The following SCFD1 variants were observed in gnomAD, a reference collection of about 807,000 sequenced individuals.
The protein encoded by SCFD1 is sec1 family domain containing 1, also known as sec1 family domain-containing protein 1.
A neutral mutation model predicts 103.2 loss-of-function variants in SCFD1; 37 were observed. That is an observed-to-expected ratio of 0.36 (90% CI 0.28 to 0.47). The LOEUF (loss-of-function observed/expected upper bound fraction) is 0.47. SCFD1 is among the 20% of genes least tolerant of loss of function. SCFD1 has a pLI of 1.00. For missense variants in SCFD1, 639 were observed against 761.2 expected, an observed-to-expected ratio of 0.84 and a Z score of 1.89; for synonymous variants, 264 against 245.0, an observed-to-expected ratio of 1.08 and a Z score of -0.73.
At chr14:30,670,224 C>T (rs1888410482) in intron 10 of SCFD1, 32 bp from the exon 11 acceptor site, 1 of 1,516,582 alleles carries the variant, frequency 6.6e-7, no homozygotes, top group East Asian at 2.3e-5. Flanking sequence ...ACTTAGAAAA[C>T]AGTTGTTTAA....
At chr14:30,668,428 C>T (rs1435515730) in intron 10 of SCFD1, among the ~76,000 whole-genome samples, 1 of 152,122 alleles carries the variant, frequency 6.6e-6, no homozygotes, top group African/African-American at 2.4e-5. Flanking sequence ...AAATGTTAGA[C>T]CTAAAACCAT....
intron 6 of SCFD1, 125 bp from the exon 7 acceptor site, chr14:30,643,191 C>T (rs1204641832): frequency 2.7e-6 from 2 of 744,324 alleles, no homozygotes; most frequent in African/African-American, 1.8e-5. Flanking sequence ...AAATTTAAAC[C>T]AAAAAATTTC....
Position 30,735,611 on chromosome 14 carries a change from A to ACTT in SCFD1, c.*3_*4insTTC. The stretch of plus-strand genomic sequence containing the variant: ...TTGTCACAACTTGGACAAAAGTAAC[A>ACTT]CAGAAGAACCTTACTATGATAATCT... On this transcript the variant is annotated 3_prime_UTR_variant, in exon 25 of 25. Transcript: ENST00000458591. 1 of 1,591,612 alleles carries ACTT rather than the reference A, an allele frequency of 6.3e-7. No individual in the cohort carries two copies. The highest frequency in any genetic ancestry group is 2.3e-5 in the East Asian group (1 of 44,252).
intron 6 of SCFD1, among the ~76,000 whole-genome samples, chr14:30,641,747 T>A (rs1366505866): frequency 6.6e-6 from 1 of 152,200 alleles, no homozygotes; most frequent in African/African-American, 2.4e-5. Flanking sequence ...TTTTATTATG[T>A]GTTGTCTGGG....
At chr14:30,723,394 T>C (rs1234757254) in intron 23 of SCFD1, among the ~76,000 whole-genome samples, 1 of 152,106 alleles carries the variant, frequency 6.6e-6, no homozygotes, top group Non-Finnish European at 1.5e-5. Context: ...GTACAAAGGT[T>C]TTTTATTTTT....
chr14:30,624,604 T>A (rs1325906644), intron 1 of SCFD1, among the ~76,000 whole-genome samples: 3 of 152,240 alleles, frequency 2.0e-5, no homozygotes, highest in African/African-American at 7.2e-5. Flanking sequence ...CCACCATGAA[T>A]TTCTGCAGTA....
At chr14:30,695,354 T>G (rs1419376618) in intron 15 of SCFD1, among the ~76,000 whole-genome samples, 3 of 152,198 alleles carry the variant, frequency 2.0e-5, no homozygotes, top group African/African-American at 7.2e-5. Flanking sequence ...AAAATATAAC[T>G]ATTTGTACTT....
intron 23 of SCFD1, among the ~76,000 whole-genome samples, chr14:30,733,193 A>G (rs1242222005): frequency 1.3e-5 from 2 of 151,996 alleles, no homozygotes; most frequent in Non-Finnish European, 2.9e-5. Context: ...TATTTTTAGT[A>G]GAGATGGGGT....
rs1886632864 is a variant in SCFD1, at chr14:30,653,856, G to A, written c.855+268G>A. ...AAAGAAGGAAAAGAAAACAATTGAA[G>A]AAAATGGATTATTTTGTTTTATTTT... On this transcript the variant is annotated intron_variant, in intron 10 of 24. Transcript: ENST00000458591. The A allele has an allele frequency of 3.2e-5, 8 of 251,358 alleles. No homozygotes were observed. The South Asian group carries it at 1.2e-3, about 39-fold the overall frequency. 15.6% of individuals were successfully genotyped at this position (251,358 alleles called of 1,614,324 possible).
Position 30,622,531 on chromosome 14 carries a change from C to G in SCFD1, c.61+132C>G. The G allele has an allele frequency of 2.1e-6, 3 of 1,404,216 alleles. No individual in the cohort carries two copies. The South Asian group carries it at 4.8e-5, about 23-fold the overall frequency. The allele number at this position is 1,404,216 out of a possible 1,614,324, so 87.0% of individuals were successfully genotyped here. A position where few individuals can be genotyped will look rare whatever the true frequency, so the allele number is the denominator to read the frequency against. ...CCCTAGAACATCAAGAGCCCCTCCCCTTTGAGTTTTTGGGGAGAAGTTGCC... is the reference window on the plus strand; with the variant it reads ...CCCTAGAACATCAAGAGCCCCTCCCGTTTGAGTTTTTGGGGAGAAGTTGCC... On this transcript the variant is annotated intron_variant, in intron 1 of 24. Coordinates refer to ENST00000458591, the MANE Select transcript of SCFD1 (RefSeq NM_016106.4).
At chr14:30,683,131 C>A in intron 14 of SCFD1, 1 of 1,183,352 alleles carries the variant, frequency 8.5e-7, no homozygotes. Flanking sequence ...GGTTTGGCAG[C>A]ATGTGTGTTC....
chr14:30,708,193 C>G, intron 19 of SCFD1, 128 bp downstream of exon 19: 1 of 628,780 alleles, frequency 1.6e-6, no homozygotes, highest in Non-Finnish European at 2.8e-6. Flanking sequence ...CAAGGAGTTC[C>G]TTTTTTTTTA....
intron 23 of SCFD1, among the ~76,000 whole-genome samples, chr14:30,723,587 C>G (rs2139417646): frequency 6.6e-6 from 1 of 152,274 alleles, no homozygotes; most frequent in South Asian, 2.1e-4. Context: ...GTGTTGTTCC[C>G]CTCTGATGTG....
chr14:30,628,198 T>C lies in SCFD1; in HGVS notation c.62-11T>C. 6.3e-7 allele frequency: 1 copy of C among 1,597,764 alleles called. No homozygotes were observed. Among genetic ancestry groups the C allele is most frequent in the Admixed American group, 1.7e-5 (1 of 57,810 alleles). ...ACAATGACAATATTTGATAAAACTT[T>C]TTATTTTCAGTGGCTTTGAAGCGTA... is the stretch of plus-strand genomic sequence containing the variant. On this transcript the variant is annotated splice_polypyrimidine_tract_variant and intron_variant, in intron 1 of 24. Coordinates refer to ENST00000458591, the MANE Select transcript of SCFD1 (RefSeq NM_016106.4).
chr14:30,690,834 G>A (rs1203910180), intron 14 of SCFD1, among the ~76,000 whole-genome samples: 1 of 152,132 alleles, frequency 6.6e-6, no homozygotes, highest in Non-Finnish European at 1.5e-5. Context: ...TTGGCTCCTC[G>A]CCCACTTATT....
At chr14:30,660,599 C>T (rs754640752) in intron 10 of SCFD1, among the ~76,000 whole-genome samples, 1 of 152,052 alleles carries the variant, frequency 6.6e-6, no homozygotes, top group African/African-American at 2.4e-5. Flanking sequence ...ATCTTTTTAG[C>T]CAACATGCTT....
chr14:30,712,542 G>A (rs1891958807), intron 19 of SCFD1, among the ~76,000 whole-genome samples: 1 of 151,588 alleles, frequency 6.6e-6, no homozygotes, highest in Admixed American at 6.6e-5. Context: ...ATTTTGTTTT[G>A]TAATACACCA....
At chr14:30,699,662 A>G (rs1466979102) in intron 15 of SCFD1, among the ~76,000 whole-genome samples, 1 of 152,060 alleles carries the variant, frequency 6.6e-6, no homozygotes, top group African/African-American at 2.4e-5. Context: ...CTTCAGAAAC[A>G]TGTGTATTTA....
chr14:30,681,888 A>G (rs1381110796), intron 14 of SCFD1, among the ~76,000 whole-genome samples: 2 of 152,180 alleles, frequency 1.3e-5, no homozygotes, highest in Non-Finnish European at 2.9e-5. Flanking sequence ...CAGGGATATA[A>G]TATTAAATAC....
Sources: allele counts gnomAD v4.1 joint callset (sites outside exome capture counted in the v4.1 genomes callset), GRCh38; gene constraint gnomAD v4.1.1; transcripts MANE v1.5; gene names NCBI Gene and HGNC (gene_info 2026-07-23, HGNC 2026-07-21).